The following ANO2 variants were observed in gnomAD, a reference collection of about 807,000 sequenced individuals.
The protein encoded by ANO2 is anoctamin-2.
A neutral mutation model predicts 124.2 loss-of-function variants in ANO2; 101 were observed. The observed-to-expected ratio is 0.81, with a 90% CI of 0.69 to 0.96. The LOEUF is 0.96. ANO2 is among the 40% of genes least tolerant of loss of function. The probability of loss-of-function intolerance (pLI) is 0.00; values close to 1 mark genes in which losing one functional copy is unlikely to be tolerated. For missense variants in ANO2, 1,293 were observed against 1,274.5 expected, an observed-to-expected ratio of 1.01 and a Z score of -0.22; for synonymous variants, 486 against 482.5, an observed-to-expected ratio of 1.01 and a Z score of -0.09.
At chr12:5,740,165 A>G (rs996420429) in intron 12 of ANO2, 2 of 348,682 alleles carry the variant, frequency 5.7e-6, no homozygotes, top group African/African-American at 2.1e-5. Flanking sequence ...ACCAGGGCTG[A>G]ACATCTGATG....
chr12:5,682,523 G>C (rs1948541523), intron 14 of ANO2, among the ~76,000 whole-genome samples: 1 of 152,106 alleles, frequency 6.6e-6, no homozygotes, highest in Non-Finnish European at 1.5e-5. Context: ...AAGGGTTCGG[G>C]CTGCAGGCAA....
At chr12:5,923,074 GCACA>G (rs1941808577) in intron 1 of ANO2, among the ~76,000 whole-genome samples, 2 of 33,908 alleles carry the variant, frequency 5.9e-5, no homozygotes, top group Admixed American at 3.9e-4. Context: ...ACACACACAT[GCACA>G]CATACACACA....
chr12:5,636,137 T>C lies in ANO2; in HGVS notation c.1621-790A>G, dbSNP rs1000182956. Among the ~76,000 whole-genome samples the C allele has an allele frequency of 1.3e-5, 2 of 152,156 alleles. No homozygotes were observed. Among genetic ancestry groups the C allele is most frequent in the African/African-American group, 4.8e-5 (2 of 41,444 alleles). ...AGCTGCTGTGCTCCAAAAGGAGGGTTATAGCCACGTGACCTCTAAGGGTTC... is the reference window on the plus strand; with the variant it reads ...AGCTGCTGTGCTCCAAAAGGAGGGTCATAGCCACGTGACCTCTAAGGGTTC... On this transcript the variant is annotated intron_variant, in intron 15 of 24. Coordinates refer to ENST00000682330, the MANE Select transcript of ANO2 (RefSeq NM_001364791.2). This position sits in a 1 kb window ranked among gnomAD's most constrained non-coding sequence, Gnocchi z 4.6.
intron 10 of ANO2, among the ~76,000 whole-genome samples, chr12:5,785,682 C>T (rs10083201): frequency 0.15 from 22,317 of 148,332 alleles, 1,815 homozygotes; most frequent in African/African-American, 0.21. Flanking sequence ...CACACACATA[C>T]ACACACATAC....
chr12:5,633,453 A>G (rs1342259909), intron 16 of ANO2, among the ~76,000 whole-genome samples: 1 of 152,146 alleles, frequency 6.6e-6, no homozygotes, highest in Non-Finnish European at 1.5e-5. Flanking sequence ...TGGTTCAGTA[A>G]TCAGGCCAGG....
chr12:5,601,894 T>C (rs1943959028), intron 19 of ANO2, among the ~76,000 whole-genome samples: 1 of 152,198 alleles, frequency 6.6e-6, no homozygotes, highest in Non-Finnish European at 1.5e-5. Context: ...CTGTTCACAG[T>C]GGAAGATGGT....
chr12:5,755,160 C>T (rs1951540313), intron 10 of ANO2, among the ~76,000 whole-genome samples: 1 of 151,596 alleles, frequency 6.6e-6, no homozygotes, highest in Admixed American at 6.6e-5. Context: ...TATTCTTTGA[C>T]CTAGATATAG....
intron 14 of ANO2, among the ~76,000 whole-genome samples, chr12:5,720,986 G>GT (rs1950212023): frequency 6.6e-6 from 1 of 152,202 alleles, no homozygotes; most frequent in African/African-American, 2.4e-5. Flanking sequence ...CTTGGGATGC[G>GT]TAATTCACAG....
rs558808822 is a variant in ANO2, at chr12:5,633,028, G to C, written c.1816+2124C>G. Among the ~76,000 whole-genome samples, 6 of 152,320 alleles carry C rather than the reference G, an allele frequency of 3.9e-5. No individual in the cohort carries two copies. In the East Asian group the frequency reaches 1.2e-3, roughly 29 times the overall value. ...AGTGGTGCTAGATCAGGACCACATG[G>C]AGCGGGTAGGGGACATTTATTTCTA... On this transcript the variant is annotated intron_variant, in intron 16 of 24. Coordinates refer to ENST00000682330, the MANE Select transcript of ANO2 (RefSeq NM_001364791.2).
chr12:5,631,331 C>A (rs550480069), intron 16 of ANO2, among the ~76,000 whole-genome samples: 6 of 152,160 alleles, frequency 3.9e-5, no homozygotes, highest in Non-Finnish European at 7.4e-5. Flanking sequence ...TTGCTCCCTC[C>A]TGCCATCTGG....
intron 24 of ANO2, among the ~76,000 whole-genome samples, chr12:5,563,966 G>A (rs925997263): frequency 2.6e-5 from 4 of 152,182 alleles, no homozygotes; most frequent in Middle Eastern, 3.2e-3. Flanking sequence ...AAAATGGAAA[G>A]TGGCTTTCTA....
At chr12:5,882,053 T>A (rs1470373015) in intron 3 of ANO2, among the ~76,000 whole-genome samples, 1 of 152,132 alleles carries the variant, frequency 6.6e-6, no homozygotes, top group Non-Finnish European at 1.5e-5. Context: ...TATGGCAAGA[T>A]AAAGGCAGGG....
intron 23 of ANO2, among the ~76,000 whole-genome samples, chr12:5,567,468 G>C (rs1261900208): frequency 6.6e-6 from 1 of 152,126 alleles, no homozygotes; most frequent in Non-Finnish European, 1.5e-5. Flanking sequence ...CCAGAGAAGG[G>C]TGCCACACAC....
intron 6 of ANO2, among the ~76,000 whole-genome samples, chr12:5,829,337 T>C (rs1954080804): frequency 6.6e-6 from 1 of 152,134 alleles, no homozygotes; most frequent in Non-Finnish European, 1.5e-5. Flanking sequence ...AAATGGGACG[T>C]TAATGCCTTT....
intron 14 of ANO2, among the ~76,000 whole-genome samples, chr12:5,671,489 T>A (rs1189796270): frequency 4.2e-5 from 2 of 47,850 alleles, no homozygotes; most frequent in African/African-American, 1.7e-4. Context: ...GAAGGAACTG[T>A]GTGGGGGGTG....
At chr12:5,896,198 A>T (rs1329957687) in intron 3 of ANO2, among the ~76,000 whole-genome samples, 1 of 152,132 alleles carries the variant, frequency 6.6e-6, no homozygotes, top group Non-Finnish European at 1.5e-5. Flanking sequence ...GTCCACTAAA[A>T]TCTCAGAAAT....
chr12:5,895,365 G>T (rs1380362895), intron 3 of ANO2, among the ~76,000 whole-genome samples: 1 of 152,134 alleles, frequency 6.6e-6, no homozygotes, highest in African/African-American at 2.4e-5. Flanking sequence ...TGCTGAAGTT[G>T]CATATCAGCT....
At chr12:5,806,538 C>T (rs1432077408) in intron 8 of ANO2, among the ~76,000 whole-genome samples, 5 of 152,352 alleles carry the variant, frequency 3.3e-5, no homozygotes, top group African/African-American at 1.2e-4. Flanking sequence ...GGAGCCCCAC[C>T]TCAGCAGTCT....
intron 3 of ANO2, among the ~76,000 whole-genome samples, chr12:5,869,344 G>C (rs1004270843): frequency 6.6e-6 from 1 of 152,060 alleles, no homozygotes; most frequent in African/African-American, 2.4e-5. Flanking sequence ...TTCCACATCT[G>C]ACTCTTTTAG....
Sources: gnomAD v4.1 joint callset for allele counts (sites outside exome capture counted in the v4.1 genomes callset) on GRCh38, gnomAD v4.1.1 for gene constraint, Gnocchi (gnomAD v3.1) non-coding constraint, MANE v1.5 for transcripts, NCBI Gene and HGNC (gene_info 2026-07-23, HGNC 2026-07-21) for gene names.